The following MAS1 variants were observed in gnomAD, a reference collection of about 807,000 sequenced individuals.
MAS1 encodes the protein proto-oncogene Mas.
For missense variants in MAS1, 387 were observed against 409.7 expected (o/e 0.94, Z 0.48); for synonymous variants, 163 against 164.2 (o/e 0.99, Z 0.05).
At position 159,909,827 on chromosome 6, in the gene MAS1, A is replaced by C. The variant is rs1782945163; in HGVS notation, c.*1894A>C. On this transcript the variant is annotated 3_prime_UTR_variant, in exon 3 of 3. Coordinates refer to ENST00000674077, the MANE Select transcript of MAS1 (RefSeq NM_002377.4). ...AAGGAAAATATGGTGAACTAATAGG[A>C]AGCCCCTATTTATTGTTTTTCTGCA... 1 of 152,192 alleles carries C rather than the reference A, an allele frequency of 6.6e-6. No individual in the cohort carries two copies. Among genetic ancestry groups the C allele is most frequent in the Non-Finnish European group, 1.5e-5 (1 of 68,032 alleles). The allele number at this position is 152,192 out of a possible 1,614,324, so 9.4% of individuals were successfully genotyped here.
intron 1 of MAS1, among the ~76,000 whole-genome samples, chr6:159,892,423 T>C (rs962896602): frequency 3.3e-5 from 5 of 152,298 alleles, no homozygotes; most frequent in African/African-American, 9.6e-5. Flanking sequence ...CTGAGTTTTA[T>C]TGGCTTTTCT....
At chr6:159,896,370 A>G (rs1782754055) in intron 1 of MAS1, among the ~76,000 whole-genome samples, 1 of 152,236 alleles carries the variant, frequency 6.6e-6, no homozygotes, top group African/African-American at 2.4e-5. Context: ...TCATACTTTT[A>G]GAGTATATAC....
Position 159,913,096 on chromosome 6 carries a change from CT to C in MAS1, c.*5164del, listed in dbSNP as rs1234548107. The C allele has an allele frequency of 1.3e-5, 2 of 152,230 alleles. No individual in the cohort carries two copies. Among genetic ancestry groups the C allele is most frequent in the Non-Finnish European group, 2.9e-5 (2 of 68,044 alleles). 9.4% of individuals were successfully genotyped at this position (152,230 alleles called of 1,614,324 possible). A position where few individuals can be genotyped will look rare whatever the true frequency, so the allele number is the denominator to read the frequency against. On this transcript the variant is annotated 3_prime_UTR_variant, in exon 3 of 3. Coordinates refer to ENST00000674077, the MANE Select transcript of MAS1 (RefSeq NM_002377.4). The stretch of plus-strand genomic sequence containing the variant: ...CAGAAAAATTGGCTGGGTACGGTGG[CT>C]CATGCCTGTAATCCCAGCACTTTGG...
Position 159,907,045 on chromosome 6 carries a change from G to A in MAS1, c.90G>A (p.Arg30=), listed in dbSNP as rs752756968. 2 of 1,613,926 alleles carry A rather than the reference G, an allele frequency of 1.2e-6. No individual in the cohort carries two copies. Among genetic ancestry groups the A allele is most frequent in the African/African-American group, 1.3e-5 (1 of 74,910 alleles). The change falls in exon 3 of 3, where the codon CGG becomes CGA. Residue 30 remains arginine (R), a synonymous_variant. Transcript: ENST00000674077. The part of the protein sequence containing the change: ...GRNASVGNAH[R]QIPIVHWVIM... Reference sequence around the variant, plus strand: ...ACGCCTCAGTCGGGAATGCACATCGGCAAATCCCCATCGTGCACTGGGTCA... The same window carrying A: ...ACGCCTCAGTCGGGAATGCACATCGACAAATCCCCATCGTGCACTGGGTCA...
At chr6:159,898,668 T>TCCTCTTCTTCCTCCTC (rs1782788458) in intron 1 of MAS1, among the ~76,000 whole-genome samples, 1 of 48,470 alleles carries the variant, frequency 2.1e-5, no homozygotes, top group Non-Finnish European at 3.9e-5. Context: ...CCCTCCTCCT[T>TCCTCTTCTTCCTCCTC]CCTCTTCCTC....
At chr6:159,905,548 C>A (rs1001914272) in intron 2 of MAS1, among the ~76,000 whole-genome samples, 2 of 152,194 alleles carry the variant, frequency 1.3e-5, no homozygotes, top group African/African-American at 4.8e-5. Context: ...AACCCAAAGG[C>A]TACCTGCTGG....
chr6:159,902,329 G>C (rs910785049), intron 2 of MAS1: 6 of 152,160 alleles, frequency 3.9e-5, no homozygotes, highest in African/African-American at 1.4e-4. Flanking sequence ...CTGTCTACCT[G>C]TGTTGGCCAA....
Position 159,900,544 on chromosome 6 carries a change from A to G in MAS1, c.-37+1152A>G, listed in dbSNP as rs1441381446. Reference sequence around the variant, plus strand: ...GTTTGTTTAAATAGAACCCCGCTATAAAAACAATTTGGAGGATTATGATTC... The same window carrying G: ...GTTTGTTTAAATAGAACCCCGCTATGAAAACAATTTGGAGGATTATGATTC... On this transcript the variant is annotated intron_variant, in intron 2 of 2. Transcript: ENST00000674077. 5.9e-5 allele frequency among the ~76,000 whole-genome samples: 9 copies of G among 152,354 alleles called. No individual in the cohort carries two copies. In the East Asian group the frequency reaches 1.5e-3, roughly 26 times the overall value.
At chr6:159,906,795 A>T in intron 2 of MAS1, 125 bp from the exon 3 acceptor site, 1 of 697,654 alleles carries the variant, frequency 1.4e-6, no homozygotes, top group Non-Finnish European at 2.4e-6. Flanking sequence ...AGATAACTGT[A>T]GAGTCTGTTA....
At chr6:159,906,808 C>CT in intron 2 of MAS1, 112 bp from the exon 3 acceptor site, 25 of 875,420 alleles carry the variant, frequency 2.9e-5, no homozygotes, top group South Asian at 3.8e-5. Context: ...GTCTGTTAAA[C>CT]TTTTTTTTAA....
intron 1 of MAS1, among the ~76,000 whole-genome samples, chr6:159,891,619 T>G (rs1242850132): frequency 6.6e-6 from 1 of 152,256 alleles, no homozygotes; most frequent in Non-Finnish European, 1.5e-5. Context: ...TTGATTTTTC[T>G]TCATTTTTCC....
Position 159,910,345 on chromosome 6 carries a change from G to C in MAS1, c.*2412G>C, listed in dbSNP as rs575180064. On this transcript the variant is annotated 3_prime_UTR_variant, in exon 3 of 3. Coordinates refer to ENST00000674077, the MANE Select transcript of MAS1 (RefSeq NM_002377.4). ...AGACACCGCATAACTACAACACCAG[G>C]CTGCACACAAGTTTGTTTGACAAGT... is the stretch of plus-strand genomic sequence containing the variant. The C allele has an allele frequency of 6.6e-6, 1 of 152,334 alleles. No individual in the cohort carries two copies. The highest frequency in any genetic ancestry group is 2.1e-4 in the South Asian group (1 of 4,824). 9.4% of individuals were successfully genotyped at this position (152,334 alleles called of 1,614,324 possible). A position where few individuals can be genotyped will look rare whatever the true frequency, so the allele number is the denominator to read the frequency against.
rs1782959417 is a variant in MAS1 at position 159,911,103 on chromosome 6, G to A, written c.*3170G>A. On this transcript the variant is annotated 3_prime_UTR_variant, in exon 3 of 3. Transcript: ENST00000674077. The stretch of plus-strand genomic sequence containing the variant: ...AAATGGACACATTTTCCATAATTCA[G>A]TGGCTGGGCCTCTGCTCTCCTCTTT... 6.6e-6 allele frequency: 1 copy of A among 151,802 alleles called. No homozygotes were observed. The highest frequency in any genetic ancestry group is 6.6e-5 in the Admixed American group (1 of 15,240). 9.4% of individuals were successfully genotyped at this position (151,802 alleles called of 1,614,324 possible).
chr6:159,894,021 C>G (rs1175449826), intron 1 of MAS1, among the ~76,000 whole-genome samples: 1 of 152,132 alleles, frequency 6.6e-6, no homozygotes, highest in Non-Finnish European at 1.5e-5. Flanking sequence ...TGAGACTGCT[C>G]TGCCACCTGA....
At chr6:159,905,428 A>G (rs1782873993) in intron 2 of MAS1, among the ~76,000 whole-genome samples, 1 of 152,216 alleles carries the variant, frequency 6.6e-6, no homozygotes, top group Non-Finnish European at 1.5e-5. Flanking sequence ...CCTGCATCCC[A>G]TTAGAACAGC....
rs145878594 is a variant in MAS1, at chr6:159,911,300, C to T, written c.*3367C>T. On this transcript the variant is annotated 3_prime_UTR_variant, in exon 3 of 3. Transcript: ENST00000674077. ...GCTTGTAACCCATTCATTTCCCCAC[C>T]GTTTCTTTTTTCTTTTCTTTTCTTT... is the stretch of plus-strand genomic sequence containing the variant. 0.017 allele frequency: 2,629 copies of T among 151,486 alleles called. 116 individuals are homozygous for T. Among genetic ancestry groups the T allele is most frequent in the Admixed American group, 0.11 (1,655 of 15,012 alleles). 9.4% of individuals were successfully genotyped at this position (151,486 alleles called of 1,614,324 possible). A position where few individuals can be genotyped will look rare whatever the true frequency, so the allele number is the denominator to read the frequency against.
intron 2 of MAS1, among the ~76,000 whole-genome samples, chr6:159,904,477 C>T (rs769563646): frequency 1.3e-5 from 2 of 152,168 alleles, no homozygotes; most frequent in African/African-American, 2.4e-5. Context: ...TACCACAACA[C>T]GTATCTCTTC....
At chr6:159,900,037 C>T (rs1444117921) in intron 2 of MAS1, among the ~76,000 whole-genome samples, 1 of 152,108 alleles carries the variant, frequency 6.6e-6, no homozygotes, top group East Asian at 1.9e-4. Context: ...TAGAATGAGA[C>T]TCCATGTCAA....
At position 159,907,556 on chromosome 6, in the gene MAS1, C is replaced by G; in HGVS notation, c.601C>G (p.Pro201Ala). The G allele has an allele frequency of 6.2e-7, 1 of 1,614,078 alleles. No homozygotes were observed. Among genetic ancestry groups the G allele is most frequent in the Non-Finnish European group, 8.5e-7 (1 of 1,180,028 alleles). The change falls in exon 3 of 3, where the codon CCC becomes GCC. Residue 201 changes from proline to alanine, a missense_variant. Physicochemically the swap from Pro to Ala is conservative, Grantham distance 27. Transcript: ENST00000674077. ...CATCCTGAGCTTCCTGGTCTTCACG[C>G]CCCTCATGCTGGTGTCCAGCACCAT... ...IAILSFLVFT[P>A]LMLVSSTILV...
Sources: allele counts gnomAD v4.1 joint callset (sites outside exome capture counted in the v4.1 genomes callset), GRCh38; gene constraint gnomAD v4.1.1; transcripts MANE v1.5; gene names NCBI Gene and HGNC (gene_info 2026-07-23, HGNC 2026-07-21).